The following LUC7L2 variants were observed in gnomAD, a reference collection of about 807,000 sequenced individuals.
LUC7L2 encodes the protein putative RNA-binding protein Luc7-like 2.
In LUC7L2, 25 loss-of-function variants were observed where a neutral mutation model predicts 52.8. The observed-to-expected ratio is 0.47, with a 90% confidence interval of 0.34 to 0.66. The LOEUF (loss-of-function observed/expected upper bound fraction) is 0.66, where lower values mean the gene tolerates loss of function less well. LUC7L2 is among the 30% of genes least tolerant of loss of function. The pLI is 0.01. For missense variants in LUC7L2, 328 were observed against 497.8 expected, an observed-to-expected ratio of 0.66 and a Z score of 3.25; for synonymous variants, 144 against 160.9, an observed-to-expected ratio of 0.89 and a Z score of 0.80.
At chr7:139,340,626 C>T (rs768240240) in intron 1 of LUC7L2, 1 of 396,656 alleles carries the variant, frequency 2.5e-6, no homozygotes, top group East Asian at 3.6e-5. Context: ...TAGGGTAAGG[C>T]GAAAATGAAG....
intron 2 of LUC7L2, among the ~76,000 whole-genome samples, chr7:139,384,747 A>T (rs1794115956): frequency 6.6e-6 from 1 of 151,746 alleles, no homozygotes; most frequent in African/African-American, 2.4e-5. Flanking sequence ...CATTCTGAAT[A>T]ATAATTTTTT....
intron 6 of LUC7L2, among the ~76,000 whole-genome samples, chr7:139,408,250 T>G (rs1240041173): frequency 6.6e-6 from 1 of 152,180 alleles, no homozygotes; most frequent in Non-Finnish European, 1.5e-5. Context: ...TTTAAAAATT[T>G]CGAAAAGAGT....
Position 139,417,645 on chromosome 7 carries a change from G to T in LUC7L2, c.917G>T (p.Arg306Leu). ...SREKRHRHRSRSSSRSRSRSH... is the reference protein window; with the variant it reads ...SREKRHRHRSLSSSRSRSRSH... ...GAGAAACGCCATCGCCACAGGTCCC[G>T]CTCCAGCAGCCGTAGCCGCAGCCGT... Residue 306 changes from arginine (R) to leucine (L), a missense_variant, in exon 9 of 10, where the codon CGC (arginine) becomes CTC (leucine). Around this residue, in one of 2 missense-constraint regions of LUC7L2, gnomAD observed 195 missense variants for 223.3 expected, o/e 0.87. Transcript: ENST00000354926. The T allele has an allele frequency of 6.2e-7, 1 of 1,614,162 alleles. No homozygotes were observed. The highest frequency in any genetic ancestry group is 1.1e-5 in the South Asian group (1 of 91,082).
chr7:139,399,449 A>ATTTTTTTTTTTTTTTTTT (rs71169090), intron 3 of LUC7L2, among the ~76,000 whole-genome samples: 5 of 50,458 alleles, frequency 9.9e-5, no homozygotes, highest in East Asian at 7.9e-4. Context: ...TGTTTGGGGG[A>ATTTTTTTTTTTTTTTTTT]TTTTTTTTTT....
At chr7:139,350,953 T>C (rs545761240) in intron 1 of LUC7L2, among the ~76,000 whole-genome samples, 6 of 152,146 alleles carry the variant, frequency 3.9e-5, no homozygotes, top group South Asian at 2.1e-4. Flanking sequence ...AGATTACAGG[T>C]GTGAGCCACT....
Position 139,402,240 on chromosome 7 carries a change from C to T in LUC7L2, c.359C>T (p.Ala120Val). 1 of 1,596,312 alleles carries T rather than the reference C, an allele frequency of 6.3e-7. No homozygotes were observed. Among genetic ancestry groups the T allele is most frequent in the Non-Finnish European group, 8.5e-7 (1 of 1,173,946 alleles). The change falls in exon 4 of 10, where the codon GCA becomes GTA. Residue 120 changes from alanine to valine, a missense_variant. Physicochemically the swap from Ala to Val is moderately conservative, Grantham distance 64. This residue lies in a region of LUC7L2 where 133 missense variants were observed against 274.4 expected (regional missense o/e 0.48). Coordinates refer to ENST00000354926, the MANE Select transcript of LUC7L2 (RefSeq NM_016019.5). Reference protein sequence around the residue: ...ETQEEISAEVAAKAERVHELN... With the variant: ...ETQEEISAEVVAKAERVHELN... ...CAAGAAGAGATTAGTGCTGAAGTAGCAGCAAAGGTAAGAATTTTAATCATT... is the reference window on the plus strand; with the variant it reads ...CAAGAAGAGATTAGTGCTGAAGTAGTAGCAAAGGTAAGAATTTTAATCATT...
intron 2 of LUC7L2, among the ~76,000 whole-genome samples, chr7:139,387,518 G>A (rs953523497): frequency 1.5e-4 from 23 of 152,218 alleles, no homozygotes; most frequent in African/African-American, 4.3e-4. Flanking sequence ...TTATACGAGA[G>A]CTCTTGTTTC....
At chr7:139,391,182 T>C (rs968420399) in intron 2 of LUC7L2, among the ~76,000 whole-genome samples, 1 of 152,250 alleles carries the variant, frequency 6.6e-6, no homozygotes, top group Admixed American at 6.5e-5. Context: ...GTTTTTGGTG[T>C]ACACTGTGGC....
intron 3 of LUC7L2, among the ~76,000 whole-genome samples, chr7:139,399,670 C>A (rs1156585555): frequency 6.6e-6 from 1 of 151,600 alleles, no homozygotes; most frequent in South Asian, 2.1e-4. Flanking sequence ...AGGGTTTCAC[C>A]GTGTTAGCTA....
chr7:139,378,731 A>G (rs553880636), intron 2 of LUC7L2, among the ~76,000 whole-genome samples: 13 of 152,272 alleles, frequency 8.5e-5, no homozygotes, highest in Non-Finnish European at 1.6e-4. Context: ...ACTGCTAAGA[A>G]GCCATAGCTC....
chr7:139,367,537 T>C (rs1800225225), intron 1 of LUC7L2, among the ~76,000 whole-genome samples: 1 of 152,222 alleles, frequency 6.6e-6, no homozygotes, highest in African/African-American at 2.4e-5. Flanking sequence ...ATTAATAATT[T>C]CCTTACTGAG....
intron 1 of LUC7L2, among the ~76,000 whole-genome samples, chr7:139,343,415 A>G (rs1007209125): frequency 5.3e-5 from 8 of 152,200 alleles, no homozygotes; most frequent in African/African-American, 1.9e-4. Context: ...TTCCTCTCCA[A>G]AAAATTTGAA....
chr7:139,414,909 C>T (rs182571695), intron 8 of LUC7L2, among the ~76,000 whole-genome samples: 13 of 151,954 alleles, frequency 8.6e-5, no homozygotes, highest in African/African-American at 2.2e-4. Context: ...TTTTTTGAGA[C>T]GGAGTCTTGC....
In LUC7L2 at chr7:139,412,535, T is replaced by TG; in HGVS notation, c.780-16_780-15insG. On this transcript the variant is annotated splice_polypyrimidine_tract_variant and intron_variant, in intron 7 of 9. Coordinates refer to ENST00000354926, the MANE Select transcript of LUC7L2 (RefSeq NM_016019.5). ...TTATAGCCACTTTTCTAAAAATACA[T>TG]ATTTTTTTTTTTTAGGTCCCGATCA... The TG allele has an allele frequency of 6.5e-7, 1 of 1,534,844 alleles. No individual in the cohort carries two copies. Among genetic ancestry groups the TG allele is most frequent in the South Asian group, 1.2e-5 (1 of 85,254 alleles).
chr7:139,398,488 T>C, intron 2 of LUC7L2, 111 bp from the exon 3 acceptor site: 1 of 778,522 alleles, frequency 1.3e-6, no homozygotes, highest in Admixed American at 3.7e-5. Flanking sequence ...AGCCCCTACA[T>C]AAAAAAGCAT....
chr7:139,393,678 C>T (rs1470422458), intron 2 of LUC7L2, among the ~76,000 whole-genome samples: 1 of 152,094 alleles, frequency 6.6e-6, no homozygotes, highest in Non-Finnish European at 1.5e-5. Flanking sequence ...AACTTCTGAC[C>T]TCAAGTATCT....
chr7:139,419,994 T>A (rs554582568), intron 9 of LUC7L2, among the ~76,000 whole-genome samples: 2 of 152,318 alleles, frequency 1.3e-5, no homozygotes, highest in East Asian at 3.9e-4. Context: ...TAAAAGTTCT[T>A]ATTGAAAGCC....
chr7:139,413,761 GA>G (rs1437769459), intron 8 of LUC7L2, among the ~76,000 whole-genome samples: 1 of 152,170 alleles, frequency 6.6e-6, no homozygotes. Context: ...TTGGGTGACA[GA>G]GTAAGACTGT....
intron 1 of LUC7L2, among the ~76,000 whole-genome samples, chr7:139,370,793 C>T (rs1800408092): frequency 6.6e-6 from 1 of 152,180 alleles, no homozygotes; most frequent in African/African-American, 2.4e-5. Context: ...AGATCTCTTC[C>T]TGCCCTGGAC....
Sources: allele counts gnomAD v4.1 joint callset (sites outside exome capture counted in the v4.1 genomes callset), GRCh38; gene constraint gnomAD v4.1.1; regional missense constraint gnomAD v4.1.1; transcripts MANE v1.5; gene names NCBI Gene and HGNC (gene_info 2026-07-23, HGNC 2026-07-21).